Variants in DNAH9 observed in about 807,000 individuals in gnomAD.
DNAH9 encodes dynein axonemal heavy chain 9.
A neutral mutation model predicts 471.6 loss-of-function variants in DNAH9; 345 were observed. That is an observed-to-expected ratio of 0.73 (90% CI 0.67 to 0.80). The LOEUF (loss-of-function observed/expected upper bound fraction) is 0.80. Ranked by LOEUF, DNAH9 falls within the 30% of genes least tolerant of loss-of-function variation. DNAH9 has a pLI of 0.00. For missense variants in DNAH9, 5,407 were observed against 5,609.2 expected (o/e 0.96, Z 1.15); for synonymous variants, 2,093 against 2,123.6 (o/e 0.99, Z 0.40).
Position 11,602,570 on chromosome 17 carries a change from C to T in DNAH9, c.417+3655C>T, listed in dbSNP as rs948804297. ...CAAAGGACATCATCCACTCTCACTGCTGCATCCTGTACAGATGGTGCTACC... is the reference window on the plus strand; with the variant it reads ...CAAAGGACATCATCCACTCTCACTGTTGCATCCTGTACAGATGGTGCTACC... On this transcript the variant is annotated intron_variant, in intron 1 of 68. Transcript: ENST00000262442. 2.0e-5 allele frequency among the ~76,000 whole-genome samples: 3 copies of T among 152,226 alleles called. No individual in the cohort carries two copies. In the South Asian group the frequency reaches 6.2e-4, roughly 32 times the overall value.
chr17:11,827,555 A>G (rs1176310890), intron 48 of DNAH9, among the ~76,000 whole-genome samples: 1 of 151,818 alleles, frequency 6.6e-6, no homozygotes, highest in Non-Finnish European at 1.5e-5. Flanking sequence ...TGAGACATAT[A>G]CCTCTATGTT....
intron 19 of DNAH9, among the ~76,000 whole-genome samples, chr17:11,687,309 C>T (rs757997265): frequency 6.6e-6 from 1 of 152,126 alleles, no homozygotes; most frequent in African/African-American, 2.4e-5. Flanking sequence ...ACATAACGAG[C>T]GTCGAAGTTA....
chr17:11,785,471 C>G (rs1394601908), intron 41 of DNAH9, among the ~76,000 whole-genome samples: 1 of 152,078 alleles, frequency 6.6e-6, no homozygotes, highest in Admixed American at 6.6e-5. Context: ...CATCAAAGCT[C>G]CAGACCCTGA....
intron 19 of DNAH9, 80 bp from the exon 20 acceptor site, chr17:11,689,486 C>T (rs2150752137): frequency 8.3e-7 from 1 of 1,198,832 alleles, no homozygotes; most frequent in Non-Finnish European, 1.2e-6. Context: ...TTAAATATTT[C>T]AGCTGGTTGC....
Position 11,653,019 on chromosome 17 carries a change from T to C in DNAH9, c.2595+17T>C. On this transcript the variant is annotated intron_variant, in intron 14 of 68. Transcript: ENST00000262442. ...CTTGTTCAGGTAATAACCCAGCCAC[T>C]CAGGCGCACATACTACGAGTTTAGG... The C allele has an allele frequency of 2.5e-6, 4 of 1,612,206 alleles. No individual in the cohort carries two copies. The highest frequency in any genetic ancestry group is 3.4e-6 in the Non-Finnish European group (4 of 1,179,542).
At chr17:11,961,471 C>T (rs1043317568) in intron 67 of DNAH9, among the ~76,000 whole-genome samples, 3 of 152,086 alleles carry the variant, frequency 2.0e-5, no homozygotes, top group Admixed American at 6.6e-5. Flanking sequence ...TCTTTGTAGG[C>T]GCTGGCTTCT....
At position 11,598,877 on chromosome 17, in the gene DNAH9, G is replaced by A. The variant is rs762530397; in HGVS notation, c.379G>A (p.Ala127Thr). 1.9e-6 allele frequency: 3 copies of A among 1,542,882 alleles called. No individual in the cohort carries two copies. Among genetic ancestry groups the A allele is most frequent in the African/African-American group, 1.4e-5 (1 of 71,904 alleles). ...RGAVVCGDLP[A>T]APLEHLAALF... Reference sequence around the variant, plus strand: ...CGCAGTGGTCTGCGGGGACCTGCCCGCGGCACCTCTGGAGCACCTAGCCGC... The same window carrying A: ...CGCAGTGGTCTGCGGGGACCTGCCCACGGCACCTCTGGAGCACCTAGCCGC... The change falls in exon 1 of 69, where the codon GCG (alanine) becomes ACG (threonine). Residue 127 changes from alanine (A) to threonine (T), a missense_variant. Transcript: ENST00000262442.
chr17:11,647,224 T>G (rs1334628914), intron 12 of DNAH9, 26 bp downstream of exon 12: 2 of 1,608,906 alleles, frequency 1.2e-6, no homozygotes, highest in African/African-American at 2.7e-5. Flanking sequence ...GTAGCTCTCT[T>G]TTGGGTTCCT....
chr17:11,725,064 A>G (rs1597547818), intron 27 of DNAH9, among the ~76,000 whole-genome samples: 1 of 152,318 alleles, frequency 6.6e-6, no homozygotes, highest in East Asian at 1.9e-4. Flanking sequence ...CAGTGCTGCC[A>G]CTGATCTGAC....
At chr17:11,743,856 G>C (rs1597580170) in intron 30 of DNAH9, among the ~76,000 whole-genome samples, 1 of 149,470 alleles carries the variant, frequency 6.7e-6, no homozygotes, top group East Asian at 2.0e-4. Flanking sequence ...TTGAGATGGA[G>C]TCTCCCTCTG....
At chr17:11,904,350 G>A (rs1973513921) in intron 60 of DNAH9, among the ~76,000 whole-genome samples, 1 of 152,086 alleles carries the variant, frequency 6.6e-6, no homozygotes, top group Non-Finnish European at 1.5e-5. Context: ...TGGGGAGGGG[G>A]CCAGGCACAG....
intron 33 of DNAH9, 105 bp downstream of exon 33, chr17:11,753,065 C>T: frequency 2.1e-6 from 2 of 966,618 alleles, no homozygotes; most frequent in Non-Finnish European, 3.0e-6. Flanking sequence ...TGATGGCTGG[C>T]TCAGAGTAAG....
rs761274972 is a variant in DNAH9, at chr17:11,942,364, T to C, written c.12722T>C (p.Leu4241Pro). ...ACAGACGAGTTTAACATCCCAGAACTGATGGCCAAAGTGGAGGAGCGCACC... is the reference window on the plus strand; with the variant it reads ...ACAGACGAGTTTAACATCCCAGAACCGATGGCCAAAGTGGAGGAGCGCACC... ...RVTDEFNIPE[L>P]MAKVEERTPY... is the part of the protein sequence containing the mutation. Residue 4241 changes from leucine (L) to proline (P), a missense_variant, in exon 67 of 69, where the codon CTG (leucine) becomes CCG (proline). Physicochemically the swap from Leu to Pro is moderately conservative, Grantham distance 98 (BLOSUM62 -3). This residue lies in a region of DNAH9 where 4,636 missense variants were observed against 4,900.3 expected (regional missense o/e 0.95). Coordinates refer to ENST00000262442, the MANE Select transcript of DNAH9 (RefSeq NM_001372.4). The C allele has an allele frequency of 1.2e-5, 20 of 1,614,204 alleles. No individual in the cohort carries two copies. Among genetic ancestry groups the C allele is most frequent in the Non-Finnish European group, 1.7e-5 (20 of 1,180,038 alleles).
chr17:11,652,728 A>G (rs367768259), intron 13 of DNAH9, 33 bp from the exon 14 acceptor site: 42 of 1,605,942 alleles, frequency 2.6e-5, no homozygotes, highest in Middle Eastern at 1.9e-4. Context: ...ACTGCAGGCT[A>G]TTTCAATTAA....
intron 41 of DNAH9, among the ~76,000 whole-genome samples, chr17:11,785,437 T>C (rs1455607712): frequency 1.3e-5 from 2 of 152,172 alleles, no homozygotes; most frequent in Non-Finnish European, 2.9e-5. Flanking sequence ...AGAGCAATTA[T>C]GCAGGCAGGA....
chr17:11,866,392 G>A lies in DNAH9; in HGVS notation c.9934-2742G>A, dbSNP rs202135050. Among the ~76,000 whole-genome samples, 112 of 152,260 alleles carry A rather than the reference G, an allele frequency of 7.4e-4. 1 individual carries two copies. The East Asian group carries it at 0.019, about 26-fold the overall frequency. On this transcript the variant is annotated intron_variant, in intron 50 of 68. Transcript: ENST00000262442. ...TTCCTCTGGAAGTTTTTTCTCAGAG[G>A]AGTACCCGGCCGTGTGAGGTGTCAG...
At position 11,690,193 on chromosome 17, in the gene DNAH9, C is replaced by T; in HGVS notation, c.4371C>T (p.Thr1457=). The T allele has an allele frequency of 6.2e-7, 1 of 1,614,198 alleles. No homozygotes were observed. The highest frequency in any genetic ancestry group is 8.5e-7 in the Non-Finnish European group (1 of 1,180,034). ...MEFQYEPHPR[T]NVPLLCSDED... is the part of the protein sequence containing the mutation. Reference sequence around the variant, plus strand: ...TCCAGTATGAGCCCCACCCACGGACCAATGTCCCCCTCCTGTGCTCTGATG... The same window carrying T: ...TCCAGTATGAGCCCCACCCACGGACTAATGTCCCCCTCCTGTGCTCTGATG... The change falls in exon 20 of 69, where the codon ACC becomes ACT. Residue 1457 remains threonine (T), a synonymous_variant. Transcript: ENST00000262442.
At chr17:11,769,609 G>A (rs939977538) in intron 38 of DNAH9, among the ~76,000 whole-genome samples, 5 of 152,214 alleles carry the variant, frequency 3.3e-5, no homozygotes, top group East Asian at 1.9e-4. Flanking sequence ...TCAGCACCTT[G>A]ATGACAAAGA....
At chr17:11,961,417 T>C (rs1033395071) in intron 67 of DNAH9, among the ~76,000 whole-genome samples, 6 of 152,194 alleles carry the variant, frequency 3.9e-5, no homozygotes, top group African/African-American at 1.2e-4. Context: ...ACATATCCAA[T>C]AGCTCGATTT....
Sources: allele counts gnomAD v4.1 joint callset (sites outside exome capture counted in the v4.1 genomes callset), GRCh38; gene constraint gnomAD v4.1.1; regional missense constraint gnomAD v4.1.1; transcripts MANE v1.5; gene names NCBI Gene and HGNC (gene_info 2026-07-23, HGNC 2026-07-21).